Variants in IGF1R observed in about 807,000 individuals in gnomAD.
The protein encoded by IGF1R is insulin like growth factor 1 receptor, also known as insulin-like growth factor 1 receptor.
IGF1R carries 44 observed loss-of-function variants against 144.6 expected under a neutral mutation model. That is an observed-to-expected ratio of 0.30 (90% CI 0.24 to 0.39). The LOEUF (loss-of-function observed/expected upper bound fraction) is 0.39, where lower values mean the gene tolerates loss of function less well. Among genes scored for constraint, IGF1R ranks in the 10% least tolerant of loss-of-function variants. The pLI, the probability that IGF1R is intolerant of heterozygous loss-of-function variation, is 1.00. For missense variants in IGF1R, 1,355 were observed against 1,833.7 expected, an observed-to-expected ratio of 0.74 and a Z score of 4.77; for synonymous variants, 795 against 722.8, an observed-to-expected ratio of 1.10 and a Z score of -1.60.
intron 18 of IGF1R, among the ~76,000 whole-genome samples, chr15:98,939,904 G>T (rs1466396298): frequency 2.0e-5 from 3 of 152,198 alleles, no homozygotes; most frequent in African/African-American, 4.8e-5. Flanking sequence ...CACGGCTGGG[G>T]CTGGCCAGCC....
intron 2 of IGF1R, among the ~76,000 whole-genome samples, chr15:98,868,457 G>A (rs1311642953): frequency 1.3e-5 from 2 of 150,082 alleles, no homozygotes; most frequent in East Asian, 2.0e-4. Context: ...CAGTATGTGA[G>A]TTCTGTCTCC....
intron 2 of IGF1R, chr15:98,734,877 C>T (rs1197886216): frequency 6.6e-6 from 1 of 152,106 alleles, no homozygotes; most frequent in Non-Finnish European, 1.5e-5. Context: ...TATGCCAAGA[C>T]GAATTGTAGG....
intron 2 of IGF1R, among the ~76,000 whole-genome samples, chr15:98,781,781 G>A (rs994343735): frequency 2.6e-5 from 4 of 152,042 alleles, no homozygotes; most frequent in African/African-American, 9.7e-5. Context: ...CGGGGTACTG[G>A]GGCTATATTG....
chr15:98,692,998 C>G (rs1009233351), intron 1 of IGF1R, among the ~76,000 whole-genome samples: 1 of 152,166 alleles, frequency 6.6e-6, no homozygotes, highest in African/African-American at 2.4e-5. Context: ...TCCCATGTCC[C>G]TTTGTCCCGT....
At chr15:98,776,833 A>C (rs1364845284) in intron 2 of IGF1R, among the ~76,000 whole-genome samples, 1 of 152,184 alleles carries the variant, frequency 6.6e-6, no homozygotes, top group Non-Finnish European at 1.5e-5. Flanking sequence ...AACGCCCGTG[A>C]CCTTGAATGG....
chr15:98,732,084 C>G (rs1384064919), intron 2 of IGF1R, among the ~76,000 whole-genome samples: 1 of 152,216 alleles, frequency 6.6e-6, no homozygotes, highest in Non-Finnish European at 1.5e-5. Context: ...GATGAATAGA[C>G]ACAGCCACAC....
intron 1 of IGF1R, among the ~76,000 whole-genome samples, chr15:98,706,608 T>A (rs2053868323): frequency 6.6e-6 from 1 of 151,260 alleles, no homozygotes; most frequent in South Asian, 2.1e-4. Context: ...AAAACAACCC[T>A]CATGGTGTGT....
At chr15:98,778,955 A>G (rs1292066112) in intron 2 of IGF1R, among the ~76,000 whole-genome samples, 1 of 152,252 alleles carries the variant, frequency 6.6e-6, no homozygotes, top group Non-Finnish European at 1.5e-5. Context: ...ATGAATAGAT[A>G]TCCATGAAAA....
In IGF1R at chr15:98,963,154, G is replaced by A. The variant is rs886051606; in HGVS notation, c.*5712G>A. On this transcript the variant is annotated 3_prime_UTR_variant, in exon 21 of 21. Coordinates refer to ENST00000650285, the MANE Select transcript of IGF1R (RefSeq NM_000875.5). ...AAAATGTTTGTAGTTTATAATTGCC[G>A]AAAATAATTTAAAGACACTTTTTTT... The A allele has an allele frequency of 8.7e-5, 20 of 231,156 alleles. No homozygotes were observed. Among genetic ancestry groups the A allele is most frequent in the Admixed American group, 1.7e-4 (3 of 17,564 alleles). The allele number at this position is 231,156 out of a possible 1,614,324, so 14.3% of individuals were successfully genotyped here. A position where few individuals can be genotyped will look rare whatever the true frequency, so the allele number is the denominator to read the frequency against.
At chr15:98,810,851 AAATGATTTTCTTAAGTGTAATTCAGG>A (rs2056574696) in intron 2 of IGF1R, among the ~76,000 whole-genome samples, 1 of 150,754 alleles carries the variant, frequency 6.6e-6, no homozygotes, top group South Asian at 2.1e-4. Context: ...CCCAGCCTCT[AAATGATTTTCTTAAGTGTAATTCAGG>A]AGTTGGCAAA....
chr15:98,698,795 T>G (rs1204653015), intron 1 of IGF1R, among the ~76,000 whole-genome samples: 1 of 152,184 alleles, frequency 6.6e-6, no homozygotes, highest in Non-Finnish European at 1.5e-5. Flanking sequence ...GAAGCTTCTG[T>G]TTTGACACCA....
chr15:98,869,840 G>C (rs2012686659), intron 2 of IGF1R, among the ~76,000 whole-genome samples: 1 of 152,200 alleles, frequency 6.6e-6, no homozygotes, highest in South Asian at 2.1e-4. Flanking sequence ...CTTTTGGAAA[G>C]TTTGCCTATG....
chr15:98,823,041 C>T (rs1310924851), intron 2 of IGF1R, among the ~76,000 whole-genome samples: 1 of 152,194 alleles, frequency 6.6e-6, no homozygotes, highest in East Asian at 1.9e-4. Flanking sequence ...TAGCAGCCAC[C>T]TTTTGCTTTT....
At chr15:98,783,230 A>C (rs2055898912) in intron 2 of IGF1R, among the ~76,000 whole-genome samples, 1 of 152,236 alleles carries the variant, frequency 6.6e-6, no homozygotes, top group African/African-American at 2.4e-5. Flanking sequence ...TGAAACTAGT[A>C]CAGTATCACA....
At chr15:98,817,021 T>C (rs1462289165) in intron 2 of IGF1R, among the ~76,000 whole-genome samples, 4 of 152,166 alleles carry the variant, frequency 2.6e-5, no homozygotes, top group African/African-American at 9.7e-5. Context: ...ATTTCTTCAA[T>C]GCTGCGTGTG....
chr15:98,890,052 G>T (rs1412236517), intron 2 of IGF1R, among the ~76,000 whole-genome samples: 1 of 152,136 alleles, frequency 6.6e-6, no homozygotes, highest in African/African-American at 2.4e-5. Flanking sequence ...GTACACCATG[G>T]ATCTGTGGTT....
At chr15:98,923,771 C>T (rs2015591642) in intron 11 of IGF1R, 105 bp from the exon 12 acceptor site, 1 of 932,110 alleles carries the variant, frequency 1.1e-6, no homozygotes, top group Non-Finnish European at 1.8e-6. Context: ...CTGATCTCCA[C>T]TGTCCTGCCC....
chr15:98,798,346 TTGG>T (rs1347911451), intron 2 of IGF1R, among the ~76,000 whole-genome samples: 3 of 152,066 alleles, frequency 2.0e-5, no homozygotes, highest in Admixed American at 6.5e-5. Flanking sequence ...TTGGTGCATC[TTGG>T]TGGGGGATGG....
chr15:98,888,436 A>T (rs58230283), intron 2 of IGF1R, among the ~76,000 whole-genome samples: 2 of 16,730 alleles, frequency 1.2e-4, no homozygotes, highest in East Asian at 2.1e-3. Context: ...AGAGAGAGAG[A>T]GAGTGTGTGT....
Sources: allele counts gnomAD v4.1 joint callset (sites outside exome capture counted in the v4.1 genomes callset), GRCh38; gene constraint gnomAD v4.1.1; transcripts MANE v1.5; gene names NCBI Gene and HGNC (gene_info 2026-07-23, HGNC 2026-07-21).